The following DYNC2H1 variants were observed in gnomAD, a reference collection of about 807,000 sequenced individuals.
DYNC2H1 encodes the protein cytoplasmic dynein 2 heavy chain 1.
Under a neutral mutation model 570.0 loss-of-function variants are expected in DYNC2H1, and 410 were observed. The ratio of observed to expected loss-of-function variants is 0.72; its 90% CI spans 0.66 to 0.78. DYNC2H1 has a LOEUF of 0.78. Ranked by LOEUF, DYNC2H1 falls within the 30% of genes least tolerant of loss-of-function variation. The pLI, the probability that DYNC2H1 is intolerant of heterozygous loss-of-function variation, is 0.00. For missense variants in DYNC2H1, 4,865 were observed against 5,046.4 expected, an observed-to-expected ratio of 0.96 and a Z score of 1.09; for synonymous variants, 1,688 against 1,677.6, an observed-to-expected ratio of 1.01 and a Z score of -0.15.
At chr11:103,234,890 ATCTT>A (rs1471778533) in intron 61 of DYNC2H1, among the ~76,000 whole-genome samples, 6 of 151,852 alleles carry the variant, frequency 4.0e-5, no homozygotes, top group African/African-American at 1.4e-4. Flanking sequence ...CACTGGAGGC[ATCTT>A]TCTTTGGGCA....
At chr11:103,309,929 C>CATATAAATT (rs1867498384) in intron 78 of DYNC2H1, among the ~76,000 whole-genome samples, 1 of 151,952 alleles carries the variant, frequency 6.6e-6, no homozygotes, top group Non-Finnish European at 1.5e-5. Context: ...ATGGGAATTT[C>CATATAAATT]CAATTTGATT....
chr11:103,251,669 T>G (rs1420873726), intron 65 of DYNC2H1, among the ~76,000 whole-genome samples: 2 of 152,144 alleles, frequency 1.3e-5, no homozygotes. Context: ...TTTTGTATTC[T>G]TTGACTACAT....
intron 17 of DYNC2H1, among the ~76,000 whole-genome samples, chr11:103,141,771 T>G (rs1859950142): frequency 6.6e-6 from 1 of 152,184 alleles, no homozygotes. Flanking sequence ...TCTGCAGAGG[T>G]TACTGCTGTC....
At chr11:103,456,707 TAATCCAAA>T (rs1331724549) in intron 87 of DYNC2H1, among the ~76,000 whole-genome samples, 3 of 152,150 alleles carry the variant, frequency 2.0e-5, no homozygotes, top group East Asian at 3.8e-4. Context: ...CAAACATCCC[TAATCCAAA>T]AATCCAAAAC....
chr11:103,109,846 A>C lies in DYNC2H1; in HGVS notation c.195+77A>C. 3 of 1,449,376 alleles carry C rather than the reference A, an allele frequency of 2.1e-6. No individual in the cohort carries two copies. In the South Asian group the frequency reaches 4.0e-5, roughly 19 times the overall value. 89.8% of individuals were successfully genotyped at this position (1,449,376 alleles called of 1,614,324 possible). The stretch of plus-strand genomic sequence containing the variant: ...GGCCCAGCCAGAGGGACGTCGGGTC[A>C]CACTCTTTAGCTTTACCAACCAGAT... On this transcript the variant is annotated intron_variant, in intron 1 of 88. Transcript: ENST00000375735.
Position 103,304,656 on chromosome 11 carries a change from A to T in DYNC2H1, c.11318A>T (p.Asn3773Ile). Residue 3773 changes from asparagine to isoleucine, a missense_variant, in exon 77 of 89, where the codon AAT becomes ATT. Transcript: ENST00000375735. ...CAAATGCTAAAAGAATGTGCCCGCAATGGAGACTGGCTCTGTTTGAAGAAC... is the reference window on the plus strand; with the variant it reads ...CAAATGCTAAAAGAATGTGCCCGCATTGGAGACTGGCTCTGTTTGAAGAAC... ...AIQMLKECAR[N>I]GDWLCLKNLH... is the part of the protein sequence containing the mutation. 1 of 1,613,474 alleles carries T rather than the reference A, an allele frequency of 6.2e-7. No individual in the cohort carries two copies. Among genetic ancestry groups the T allele is most frequent in the Non-Finnish European group, 8.5e-7 (1 of 1,179,580 alleles).
chr11:103,413,523 T>C lies in DYNC2H1; in HGVS notation c.12366+13651T>C, dbSNP rs182014370. ...TAGAGCATTAAAGCCTGTACTGTAATTCTGATGTTGTGATTCCTAGATCAG... is the reference window on the plus strand; with the variant it reads ...TAGAGCATTAAAGCCTGTACTGTAACTCTGATGTTGTGATTCCTAGATCAG... On this transcript the variant is annotated intron_variant, in intron 84 of 88. Transcript: ENST00000375735. 2.6e-5 allele frequency among the ~76,000 whole-genome samples: 4 copies of C among 152,310 alleles called. No homozygotes were observed. The East Asian group carries it at 7.7e-4, about 29-fold the overall frequency.
At chr11:103,192,720 T>C (rs1050820593) in intron 47 of DYNC2H1, among the ~76,000 whole-genome samples, 1 of 152,198 alleles carries the variant, frequency 6.6e-6, no homozygotes, top group African/African-American at 2.4e-5. Flanking sequence ...AAAGAAAGCT[T>C]AACACCAGTC....
intron 83 of DYNC2H1, among the ~76,000 whole-genome samples, chr11:103,359,256 C>A (rs974102117): frequency 1.3e-5 from 2 of 152,222 alleles, no homozygotes; most frequent in African/African-American, 4.8e-5. Flanking sequence ...TTTTAGTGAT[C>A]ATTAATGAAG....
At chr11:103,248,454 G>T (rs772158858) in intron 65 of DYNC2H1, among the ~76,000 whole-genome samples, 2 of 151,906 alleles carry the variant, frequency 1.3e-5, no homozygotes, top group South Asian at 2.1e-4. Context: ...CTTTTGAAAA[G>T]AATATAAAAG....
intron 84 of DYNC2H1, among the ~76,000 whole-genome samples, chr11:103,423,428 A>C (rs7481010): frequency 2.9e-5 from 3 of 102,550 alleles, no homozygotes; most frequent in African/African-American, 4.1e-5. Flanking sequence ...AAAAAAAAAA[A>C]AAAAAAAAAA....
Position 103,116,572 on chromosome 11 carries a change from GTTT to G in DYNC2H1, c.626_628del (p.Phe209del). 1.9e-6 allele frequency: 3 copies of G among 1,570,318 alleles called. No individual in the cohort carries two copies. The highest frequency in any genetic ancestry group is 2.6e-6 in the Non-Finnish European group (3 of 1,160,234). On this transcript the variant is annotated inframe_deletion, in exon 5 of 89. Transcript: ENST00000375735. ...AAAATTAATGCATTTTTTTCTAGGA[GTTT>G]TATAACTTGGACAGTCTATCCTTAC...
intron 83 of DYNC2H1, among the ~76,000 whole-genome samples, chr11:103,384,714 G>A (rs900296407): frequency 6.6e-6 from 1 of 152,038 alleles, no homozygotes; most frequent in Non-Finnish European, 1.5e-5. Context: ...AACTTTATAT[G>A]CAGTTATGAT....
At chr11:103,259,484 C>T (rs1490144593) in intron 69 of DYNC2H1, among the ~76,000 whole-genome samples, 1 of 152,024 alleles carries the variant, frequency 6.6e-6, no homozygotes, top group East Asian at 1.9e-4. Flanking sequence ...TTGAGGTTCC[C>T]ATATTGAGAA....
chr11:103,348,179 T>G (rs1025110434), intron 82 of DYNC2H1, among the ~76,000 whole-genome samples: 8 of 152,196 alleles, frequency 5.3e-5, no homozygotes, highest in Non-Finnish European at 1.0e-4. Context: ...TTTCCTTTCC[T>G]TTTTCCACCA....
At chr11:103,356,844 G>C (rs1438725425) in intron 82 of DYNC2H1, among the ~76,000 whole-genome samples, 1 of 152,044 alleles carries the variant, frequency 6.6e-6, no homozygotes, top group African/African-American at 2.4e-5. Flanking sequence ...ATTTTGTTAT[G>C]AACTTTACCA....
intron 83 of DYNC2H1, among the ~76,000 whole-genome samples, chr11:103,389,149 G>C (rs1254405559): frequency 6.6e-6 from 1 of 152,092 alleles, no homozygotes; most frequent in Admixed American, 6.5e-5. Context: ...TTTTTGGTTG[G>C]CAAGCTATGA....
chr11:103,180,620 G>T (rs1429333397), intron 39 of DYNC2H1, among the ~76,000 whole-genome samples: 2 of 151,518 alleles, frequency 1.3e-5, no homozygotes, highest in East Asian at 1.9e-4. Context: ...GCAGATATTT[G>T]TTGAGCACTT....
intron 76 of DYNC2H1, among the ~76,000 whole-genome samples, chr11:103,303,563 G>T (rs1440031829): frequency 6.6e-6 from 1 of 152,118 alleles, no homozygotes; most frequent in Admixed American, 6.6e-5. Context: ...GATGATAGAA[G>T]TAGAGGTCAG....
Sources: allele counts gnomAD v4.1 joint callset (sites outside exome capture counted in the v4.1 genomes callset), GRCh38; gene constraint gnomAD v4.1.1; transcripts MANE v1.5; gene names NCBI Gene and HGNC (gene_info 2026-07-23, HGNC 2026-07-21).